Variants in SGCD observed in about 807,000 individuals in gnomAD.
The protein encoded by SGCD is sarcoglycan delta.
SGCD carries 18 observed loss-of-function variants against 36.6 expected under a neutral mutation model. That is an observed-to-expected ratio of 0.49 (90% CI 0.34 to 0.73). The LOEUF (loss-of-function observed/expected upper bound fraction) is 0.73, where lower values mean the gene tolerates loss of function less well. SGCD is among the 30% of genes least tolerant of loss of function. The pLI, the probability that SGCD is intolerant of heterozygous loss-of-function variation, is 0.01. For missense variants in SGCD, 387 were observed against 346.7 expected (o/e 1.12, Z -0.92); for synonymous variants, 133 against 130.6 (o/e 1.02, Z -0.12).
intron 4 of SGCD, among the ~76,000 whole-genome samples, chr5:156,539,673 G>C (rs113058338): frequency 3.9e-5 from 6 of 152,070 alleles, no homozygotes; most frequent in Non-Finnish European, 8.8e-5. Flanking sequence ...TGGGCACTGA[G>C]GTTGGTTCCA....
intron 1 of SGCD, among the ~76,000 whole-genome samples, chr5:156,072,544 C>G (rs967488567): frequency 5.3e-5 from 8 of 151,882 alleles, no homozygotes; most frequent in Admixed American, 3.9e-4. Context: ...CCCGACCTTT[C>G]TCTCTGGCTG....
chr5:155,816,214 G>A, the SGCD span, among the ~76,000 whole-genome samples: 1 of 152,054 alleles, frequency 6.6e-6, no homozygotes, highest in Non-Finnish European at 1.5e-5. Context: ...CAAGTTAGAG[G>A]TGCCAACCCC....
In SGCD at chr5:156,428,230, T is replaced by C. The variant is rs537582901; in HGVS notation, c.193-80371T>C. Among the ~76,000 whole-genome samples the C allele has an allele frequency of 2.0e-5, 3 of 152,276 alleles. No homozygotes were observed. The East Asian group carries it at 5.8e-4, about 29-fold the overall frequency. The stretch of plus-strand genomic sequence containing the variant: ...TCAATCTTGCTGCTTGTTATTGGTC[T>C]GTTAAGGGTATCTAATTCTTCCTGA... On this transcript the variant is annotated intron_variant, in intron 3 of 8. Transcript: ENST00000337851.
chr5:155,740,600 C>T, the SGCD span, among the ~76,000 whole-genome samples: 1 of 152,166 alleles, frequency 6.6e-6, no homozygotes, highest in Non-Finnish European at 1.5e-5. Flanking sequence ...CCAGAACTGA[C>T]ATTTTCGTAC....
At chr5:156,611,543 C>A (rs2312189) in intron 6 of SGCD, among the ~76,000 whole-genome samples, 3 of 152,064 alleles carry the variant, frequency 2.0e-5, no homozygotes, top group African/African-American at 7.2e-5. Flanking sequence ...AGAATTCTTT[C>A]TTTTGCTTTG....
At chr5:156,397,831 C>G (rs1025810946) in intron 3 of SGCD, among the ~76,000 whole-genome samples, 1 of 152,100 alleles carries the variant, frequency 6.6e-6, no homozygotes, top group East Asian at 1.9e-4. Context: ...TTTGACAGCT[C>G]CCAACCAAGA....
At chr5:156,285,774 C>A (rs1456650483) in intron 3 of SGCD, among the ~76,000 whole-genome samples, 1 of 152,128 alleles carries the variant, frequency 6.6e-6, no homozygotes, top group African/African-American at 2.4e-5. Flanking sequence ...GCAAGGACTT[C>A]ATGTCTAAAA....
At chr5:155,781,269 T>C in the SGCD span, among the ~76,000 whole-genome samples, 2 of 152,136 alleles carry the variant, frequency 1.3e-5, no homozygotes, top group Non-Finnish European at 2.9e-5. Context: ...CATGGAGTCA[T>C]ATGGGTCTCC....
chr5:156,211,039 T>C (rs1045448816), intron 3 of SGCD, among the ~76,000 whole-genome samples: 3 of 151,914 alleles, frequency 2.0e-5, no homozygotes, highest in African/African-American at 7.3e-5. Flanking sequence ...AAAGAGATTA[T>C]CCTAAAAGCA....
chr5:155,950,696 C>G (rs139319574), intron 1 of SGCD, among the ~76,000 whole-genome samples: 29 of 152,274 alleles, frequency 1.9e-4, no homozygotes, highest in African/African-American at 6.3e-4. Flanking sequence ...TGAGCTTGCT[C>G]CTGGCAGAAT....
At chr5:156,569,285 G>A (rs1045090252) in intron 4 of SGCD, among the ~76,000 whole-genome samples, 7 of 151,844 alleles carry the variant, frequency 4.6e-5, no homozygotes, top group Non-Finnish European at 1.0e-4. Flanking sequence ...ACTAGGAGGA[G>A]ACAGACAAAA....
chr5:155,762,818 A>G, the SGCD span, among the ~76,000 whole-genome samples: 1 of 152,160 alleles, frequency 6.6e-6, no homozygotes, highest in Non-Finnish European at 1.5e-5. Flanking sequence ...CAATTCCTCT[A>G]ATACTTAGTT....
the SGCD span, among the ~76,000 whole-genome samples, chr5:155,733,819 A>G: frequency 1.3e-5 from 2 of 152,088 alleles, no homozygotes; most frequent in African/African-American, 4.8e-5. Flanking sequence ...GACTTCATCA[A>G]GTCTCCATTT....
At chr5:156,588,076 G>C (rs1281777249) in intron 4 of SGCD, among the ~76,000 whole-genome samples, 1 of 151,798 alleles carries the variant, frequency 6.6e-6, no homozygotes, top group Admixed American at 6.6e-5. Flanking sequence ...GCCAGGAATG[G>C]CTACCAGATT....
chr5:156,425,095 G>A (rs1773614995), intron 3 of SGCD, among the ~76,000 whole-genome samples: 1 of 152,020 alleles, frequency 6.6e-6, no homozygotes, highest in African/African-American at 2.4e-5. Flanking sequence ...AAACTCCAGC[G>A]AAAGCCAACC....
In SGCD at chr5:156,014,746, C is replaced by T. The variant is rs541525127; in HGVS notation, c.-281-103132C>T. On this transcript the variant is annotated intron_variant, in intron 1 of 9. Coordinates refer to the SGCD transcript ENST00000517913. ...TCTTGTCCAAGAGCAGTTTATTTTT[C>T]CTGTTTTTTATTTTAGTGTCTTAGT... is the stretch of plus-strand genomic sequence containing the variant. 3.3e-5 allele frequency among the ~76,000 whole-genome samples: 5 copies of T among 152,128 alleles called. No individual in the cohort carries two copies. The South Asian group carries it at 1.0e-3, about 32-fold the overall frequency.
At chr5:155,894,970 T>C (rs1580976807) in intron 1 of SGCD, among the ~76,000 whole-genome samples, 1 of 152,162 alleles carries the variant, frequency 6.6e-6, no homozygotes, top group Non-Finnish European at 1.5e-5. Flanking sequence ...TGGTCCCTGA[T>C]GCCAAAAAGG....
At chr5:156,467,660 G>A (rs1190409817) in intron 3 of SGCD, among the ~76,000 whole-genome samples, 4 of 152,136 alleles carry the variant, frequency 2.6e-5, no homozygotes, top group South Asian at 2.1e-4. Context: ...GATTTCTTTG[G>A]CAGATCAAGC....
At chr5:156,569,975 C>T (rs574422347) in intron 4 of SGCD, among the ~76,000 whole-genome samples, 1 of 151,996 alleles carries the variant, frequency 6.6e-6, no homozygotes, top group Non-Finnish European at 1.5e-5. Flanking sequence ...CTAGCTGTGA[C>T]AAAAAGCCAT....
Sources: gnomAD v4.1 joint callset for allele counts (sites outside exome capture counted in the v4.1 genomes callset) on GRCh38, gnomAD v4.1.1 for gene constraint, MANE v1.5 for transcripts, NCBI Gene and HGNC (gene_info 2026-07-23, HGNC 2026-07-21) for gene names.